The following OIT3 variants were observed in gnomAD, a reference collection of about 807,000 sequenced individuals.
OIT3 encodes the protein oncoprotein-induced transcript 3 protein.
OIT3 carries 41 observed loss-of-function variants against 52.2 expected under a neutral mutation model. The ratio of observed to expected loss-of-function variants is 0.79; its 90% confidence interval spans 0.61 to 1.02. The LOEUF is 1.02. Among genes scored for constraint, OIT3 ranks in the 50% least tolerant of loss-of-function variants. The pLI is 0.00. For synonymous variants in OIT3, 244 were observed against 276.9 expected, an observed-to-expected ratio of 0.88 and a Z score of 1.18; for missense variants, 634 against 715.5, an observed-to-expected ratio of 0.89 and a Z score of 1.30.
At position 72,900,434 on chromosome 10, in the gene OIT3, G is replaced by A. The variant is rs1215770147; in HGVS notation, c.494G>A (p.Cys165Tyr). The change falls in exon 3 of 9, where the codon TGC (cysteine) becomes TAC (tyrosine). Residue 165 changes from cysteine (C) to tyrosine (Y), a missense_variant. Transcript: ENST00000334011. ...GGCAGCTGCTCAGATACCAGCGAGTGCACATGCGCTCCAGGAACTGTGCTA... is the reference window on the plus strand; with the variant it reads ...GGCAGCTGCTCAGATACCAGCGAGTACACATGCGCTCCAGGAACTGTGCTA... ...CHGSCSDTSE[C>Y]TCAPGTVLGP... 1.2e-5 allele frequency: 20 copies of A among 1,613,000 alleles called. No individual in the cohort carries two copies. Among genetic ancestry groups the A allele is most frequent in the Non-Finnish European group, 1.7e-5 (20 of 1,178,976 alleles).
chr10:72,899,869 T>C (rs1328918304), intron 2 of OIT3, among the ~76,000 whole-genome samples: 2 of 152,204 alleles, frequency 1.3e-5, no homozygotes, highest in Non-Finnish European at 2.9e-5. Context: ...ATACTTTTAA[T>C]TTCTGTGTTA....
intron 6 of OIT3, among the ~76,000 whole-genome samples, chr10:72,919,240 G>C (rs965346066): frequency 3.9e-5 from 6 of 152,032 alleles, no homozygotes; most frequent in African/African-American, 9.7e-5. Context: ...TTTGTGATTT[G>C]GCTCTCGGCT....
At chr10:72,907,218 A>C (rs936853828) in intron 4 of OIT3, among the ~76,000 whole-genome samples, 2 of 152,134 alleles carry the variant, frequency 1.3e-5, no homozygotes, top group Admixed American at 1.3e-4. Context: ...GGCTGCATTA[A>C]GCTATGATTG....
At chr10:72,894,144 T>C (rs1050898801) in intron 1 of OIT3, among the ~76,000 whole-genome samples, 13 of 152,102 alleles carry the variant, frequency 8.5e-5, no homozygotes, top group African/African-American at 3.1e-4. Context: ...TCTATCTTCT[T>C]TGTGTTCTAG....
In OIT3 at chr10:72,900,452, C is replaced by T; in HGVS notation, c.512C>T (p.Thr171Ile). ...DTSECTCAPG[T>I]VLGPDRQTCF... ...AGCGAGTGCACATGCGCTCCAGGAA[C>T]TGTGCTAGGCCCTGACAGGCAGACA... The change falls in exon 3 of 9, where the codon ACT becomes ATT. Residue 171 changes from threonine (T) to isoleucine (I), a missense_variant. By Grantham distance (89) the Thr-to-Ile change is moderately conservative. Coordinates refer to ENST00000334011, the MANE Select transcript of OIT3 (RefSeq NM_152635.3). 1 of 1,610,202 alleles carries T rather than the reference C, an allele frequency of 6.2e-7. No individual in the cohort carries two copies. The highest frequency in any genetic ancestry group is 8.5e-7 in the Non-Finnish European group (1 of 1,176,396).
intron 6 of OIT3, among the ~76,000 whole-genome samples, chr10:72,919,861 T>C (rs1846106701): frequency 6.6e-6 from 1 of 152,230 alleles, no homozygotes; most frequent in South Asian, 2.1e-4. Context: ...AGTATTTTGT[T>C]GAGGATTTTT....
intron 4 of OIT3, among the ~76,000 whole-genome samples, chr10:72,907,716 G>A (rs1353359546): frequency 6.6e-6 from 1 of 152,122 alleles, no homozygotes; most frequent in African/African-American, 2.4e-5. Flanking sequence ...GTGTTTATGG[G>A]AGAGGAATAC....
chr10:72,911,762 GC>G lies in OIT3; in HGVS notation c.715del (p.Gly240AspfsTer36), dbSNP rs760859638. The G allele has an allele frequency of 1.2e-6, 2 of 1,613,866 alleles. No homozygotes were observed. Among genetic ancestry groups the G allele is most frequent in the Non-Finnish European group, 1.7e-6 (2 of 1,179,848 alleles). ...HNNNGGCSHS[C>X]LGSEKGYQCE... ...AACAATGGTGGCTGCAGCCACTCTT[GC>G]CTTGGATCTGAGAAAGGCTACCAGT... On this transcript the variant is annotated frameshift_variant, in exon 5 of 9. Coordinates refer to ENST00000334011, the MANE Select transcript of OIT3 (RefSeq NM_152635.3). LOFTEE classifies it high-confidence loss of function.
intron 7 of OIT3, among the ~76,000 whole-genome samples, chr10:72,929,205 A>C (rs1339562046): frequency 2.0e-5 from 3 of 151,480 alleles, no homozygotes; most frequent in Non-Finnish European, 4.4e-5. Context: ...GTCTCAAAAC[A>C]AAACAAAAAA....
At position 72,911,802 on chromosome 10, in the gene OIT3, G is replaced by A; in HGVS notation, c.753G>A (p.Arg251=). The A allele has an allele frequency of 1.2e-6, 2 of 1,613,726 alleles. No homozygotes were observed. Among genetic ancestry groups the A allele is most frequent in the South Asian group, 2.2e-5 (2 of 91,034 alleles). ...SEKGYQCECP[R]GLVLSEDNHT... ...AAGGCTACCAGTGTGAATGTCCCCG[G>A]GGCCTGGTGCTGTCTGAGGATAACC... The change falls in exon 5 of 9, where the codon CGG becomes CGA. Residue 251 remains arginine (R), a synonymous_variant. Transcript: ENST00000334011.
At chr10:72,916,132 C>G (rs928823808) in intron 6 of OIT3, among the ~76,000 whole-genome samples, 3 of 152,074 alleles carry the variant, frequency 2.0e-5, no homozygotes, top group Non-Finnish European at 4.4e-5. Flanking sequence ...TTCTTACTCT[C>G]GTATACCATA....
chr10:72,931,703 A>AAAT (rs1846218072), intron 8 of OIT3, among the ~76,000 whole-genome samples: 1 of 152,232 alleles, frequency 6.6e-6, no homozygotes, highest in Non-Finnish European at 1.5e-5. Flanking sequence ...CAGGCATATT[A>AAAT]AATATATTAC....
intron 7 of OIT3, among the ~76,000 whole-genome samples, chr10:72,928,042 A>G (rs1197974918): frequency 1.3e-5 from 2 of 152,146 alleles, no homozygotes; most frequent in Non-Finnish European, 2.9e-5. Flanking sequence ...TAAAATAAAC[A>G]TAGCTCATTT....
At chr10:72,915,342 C>T (rs1846063739) in intron 6 of OIT3, among the ~76,000 whole-genome samples, 2 of 152,124 alleles carry the variant, frequency 1.3e-5, no homozygotes, top group South Asian at 4.1e-4. Flanking sequence ...TTGTTATTCA[C>T]AGTAGTTATG....
intron 6 of OIT3, among the ~76,000 whole-genome samples, chr10:72,920,898 C>T (rs1252829024): frequency 6.6e-6 from 1 of 152,142 alleles, no homozygotes; most frequent in East Asian, 1.9e-4. Context: ...AATGTATATT[C>T]TGTTGTTTTG....
rs113505508 is a variant in OIT3, at chr10:72,911,217, G to A, written c.668-500G>A. 1.9e-3 allele frequency among the ~76,000 whole-genome samples: 283 copies of A among 152,238 alleles called. 1 individual carries two copies. The highest frequency in any genetic ancestry group is 5.8e-3 in the African/African-American group (239 of 41,536). On this transcript the variant is annotated intron_variant, in intron 4 of 8. Coordinates refer to ENST00000334011, the MANE Select transcript of OIT3 (RefSeq NM_152635.3). ...TATAGTGTGCTATCAGCCCAAAGCC[G>A]TTTACCCCCAGTGCTCTTGTCCTAA...
At chr10:72,913,691 C>A (rs1235655941) in intron 6 of OIT3, 1 of 646,196 alleles carries the variant, frequency 1.5e-6, no homozygotes, top group Admixed American at 2.1e-5. Flanking sequence ...TTCAAATAGT[C>A]CCATCTCTCC....
chr10:72,902,811 C>G (rs1845945075), intron 3 of OIT3, among the ~76,000 whole-genome samples: 1 of 152,202 alleles, frequency 6.6e-6, no homozygotes, highest in South Asian at 2.1e-4. Flanking sequence ...ATTCAATTAT[C>G]TCCACCTGGC....
rs74610968 is a variant in OIT3, at chr10:72,901,008, C to T, written c.544+524C>T. ...ACTTGAACTTGGGAGTTCAAGGTTA[C>T]AGTGAGCCATGGTTACACCACTGCT... On this transcript the variant is annotated intron_variant, in intron 3 of 8. Coordinates refer to ENST00000334011, the MANE Select transcript of OIT3 (RefSeq NM_152635.3). Among the ~76,000 whole-genome samples, 1,165 of 152,200 alleles carry T rather than the reference C, an allele frequency of 7.7e-3. 15 individuals carry two copies. The highest frequency in any genetic ancestry group is 0.027 in the African/African-American group (1,101 of 41,510).
Sources: allele counts gnomAD v4.1 joint callset (sites outside exome capture counted in the v4.1 genomes callset), GRCh38; gene constraint gnomAD v4.1.1; transcripts MANE v1.5; gene names NCBI Gene and HGNC (gene_info 2026-07-23, HGNC 2026-07-21).